The following SYNDIG1 variants were observed in gnomAD, a reference collection of about 807,000 sequenced individuals.
SYNDIG1 encodes synapse differentiation inducing 1.
Under a neutral mutation model 19.4 loss-of-function variants are expected in SYNDIG1, and 9 were observed. That is an observed-to-expected ratio of 0.46 (90% CI 0.28 to 0.81). The LOEUF is 0.81. Ranked by LOEUF, SYNDIG1 falls within the 30% of genes least tolerant of loss-of-function variation. The probability of loss-of-function intolerance (pLI) is 0.12; values close to 1 mark genes in which losing one functional copy is unlikely to be tolerated. For missense variants in SYNDIG1, 311 were observed against 343.3 expected, an observed-to-expected ratio of 0.91 and a Z score of 0.74; for synonymous variants, 141 against 145.9, an observed-to-expected ratio of 0.97 and a Z score of 0.24.
intron 2 of SYNDIG1, among the ~76,000 whole-genome samples, chr20:24,554,028 C>T (rs1301928032): frequency 1.3e-5 from 2 of 152,144 alleles, no homozygotes; most frequent in African/African-American, 2.4e-5. Flanking sequence ...CCTTCACATG[C>T]CTTGTAAGTT....
chr20:24,629,970 C>T (rs1007078679), intron 3 of SYNDIG1, among the ~76,000 whole-genome samples: 6 of 152,174 alleles, frequency 3.9e-5, no homozygotes, highest in Non-Finnish European at 7.4e-5. Flanking sequence ...ACTTTGAGGT[C>T]ATGCACAAGT....
rs537069944 is a variant in SYNDIG1, at chr20:24,571,015, T to C, written c.481-13841T>C. On this transcript the variant is annotated intron_variant, in intron 2 of 3. Coordinates refer to ENST00000376862, the MANE Select transcript of SYNDIG1 (RefSeq NM_024893.3). ...GAGGGTATTGTGCCAGTGGAAATGG[T>C]CAGCCTCAAAAGGTTGATATACTGT... 3.3e-5 allele frequency among the ~76,000 whole-genome samples: 5 copies of C among 152,298 alleles called. No individual in the cohort carries two copies. The South Asian group carries it at 1.0e-3, about 32-fold the overall frequency.
At chr20:24,620,810 A>G (rs906471811) in intron 3 of SYNDIG1, among the ~76,000 whole-genome samples, 3 of 152,268 alleles carry the variant, frequency 2.0e-5, no homozygotes, top group African/African-American at 7.2e-5. Context: ...TAATGACGGA[A>G]CAATTGTTTT....
chr20:24,543,811 G>C (rs1025838909), intron 2 of SYNDIG1, among the ~76,000 whole-genome samples: 6 of 152,204 alleles, frequency 3.9e-5, no homozygotes, highest in African/African-American at 1.4e-4. Context: ...TCTGGTATGA[G>C]ATGACCCCAG....
intron 1 of SYNDIG1, among the ~76,000 whole-genome samples, chr20:24,529,668 G>A (rs906983117): frequency 1.3e-4 from 20 of 152,162 alleles, no homozygotes; most frequent in Admixed American, 9.8e-4. Flanking sequence ...CTGTACAAAC[G>A]CAGGTGTTAG....
chr20:24,484,270 C>T (rs2055893511), intron 1 of SYNDIG1, among the ~76,000 whole-genome samples: 1 of 152,092 alleles, frequency 6.6e-6, no homozygotes, highest in Non-Finnish European at 1.5e-5. Flanking sequence ...TATCTGGAGC[C>T]AGAAGAGTGG....
intron 3 of SYNDIG1, among the ~76,000 whole-genome samples, chr20:24,661,128 G>A (rs1169249809): frequency 2.0e-5 from 3 of 152,224 alleles, no homozygotes; most frequent in African/African-American, 7.2e-5. Flanking sequence ...CAGGCCTTGA[G>A]GCATCTAAAT....
Position 24,607,443 on chromosome 20 carries a change from G to A in SYNDIG1, c.618+22450G>A, listed in dbSNP as rs202084246. ...GATGAGAGTCCCAGTTGGGCACCCT[G>A]GTTCTGGCCAAAGGGCCGTCCTCAA... On this transcript the variant is annotated intron_variant, in intron 3 of 3. Transcript: ENST00000376862. Among the ~76,000 whole-genome samples the A allele has an allele frequency of 3.9e-5, 6 of 152,228 alleles. No homozygotes were observed. In the East Asian group the frequency reaches 9.6e-4, roughly 24 times the overall value.
chr20:24,626,714 C>G (rs1428496147), intron 3 of SYNDIG1, among the ~76,000 whole-genome samples: 1 of 152,266 alleles, frequency 6.6e-6, no homozygotes, highest in African/African-American at 2.4e-5. Flanking sequence ...CTTTGGGGGG[C>G]CAAGGCAGGC....
At chr20:24,593,413 C>T (rs1010898140) in intron 3 of SYNDIG1, among the ~76,000 whole-genome samples, 1 of 152,160 alleles carries the variant, frequency 6.6e-6, no homozygotes, top group African/African-American at 2.4e-5. Flanking sequence ...CCATGGTGTA[C>T]ATGTACCACA....
chr20:24,584,101 C>A (rs1407623460), intron 2 of SYNDIG1, among the ~76,000 whole-genome samples: 4 of 152,126 alleles, frequency 2.6e-5, no homozygotes, highest in Admixed American at 2.6e-4. Context: ...CTGCTCCCAG[C>A]ACACCCCTTC....
chr20:24,632,047 C>T (rs939709035), intron 3 of SYNDIG1, among the ~76,000 whole-genome samples: 10 of 152,174 alleles, frequency 6.6e-5, no homozygotes, highest in African/African-American at 2.4e-4. Flanking sequence ...TCATCCTCTG[C>T]TCCTAACTTC....
chr20:24,585,603 T>A (rs1213261968), intron 3 of SYNDIG1, among the ~76,000 whole-genome samples: 3 of 152,262 alleles, frequency 2.0e-5, no homozygotes, highest in African/African-American at 7.2e-5. Flanking sequence ...ATCCTGTTTG[T>A]TGCCCCTTAT....
chr20:24,492,529 G>A lies in SYNDIG1; in HGVS notation c.-79+22776G>A, dbSNP rs368299872. Among the ~76,000 whole-genome samples, 74 of 152,354 alleles carry A rather than the reference G, an allele frequency of 4.9e-4. No homozygotes were observed. The South Asian group carries it at 0.013, about 27-fold the overall frequency. On this transcript the variant is annotated intron_variant, in intron 1 of 3. Transcript: ENST00000376862. ...AGCACTGCCTTCTCTTTTCTTCAGA[G>A]GCTGGCTTGAGCCAGGTTTGCATAA...
chr20:24,647,458 C>T (rs922405430), intron 3 of SYNDIG1, among the ~76,000 whole-genome samples: 1 of 152,028 alleles, frequency 6.6e-6, no homozygotes, highest in Non-Finnish European at 1.5e-5. Context: ...ATACGAACAT[C>T]CTCTTTGAGC....
At chr20:24,630,103 G>A (rs546493253) in intron 3 of SYNDIG1, among the ~76,000 whole-genome samples, 17 of 152,296 alleles carry the variant, frequency 1.1e-4, no homozygotes, top group African/African-American at 3.6e-4. Flanking sequence ...GCCAGAACTC[G>A]ATAAGAAAAA....
In SYNDIG1 at chr20:24,591,034, C is replaced by CT. The variant is rs2058502525; in HGVS notation, c.618+6042dup. Among the ~76,000 whole-genome samples, 21 of 152,080 alleles carry CT rather than the reference C, an allele frequency of 1.4e-4. No individual in the cohort carries two copies. The South Asian group carries it at 4.4e-3, about 32-fold the overall frequency. ...GACATTCTCTTTCCTGACCTGGGTA[C>CT]TGGCTGTATGCTTGTGGAAACTCAT... On this transcript the variant is annotated intron_variant, in intron 3 of 3. Transcript: ENST00000376862.
At chr20:24,588,715 G>T (rs1042721047) in intron 3 of SYNDIG1, among the ~76,000 whole-genome samples, 3 of 152,186 alleles carry the variant, frequency 2.0e-5, no homozygotes, top group Non-Finnish European at 4.4e-5. Flanking sequence ...TTTGGTTGTG[G>T]TGTGAAAGGA....
intron 2 of SYNDIG1, among the ~76,000 whole-genome samples, chr20:24,545,022 C>T (rs1448416327): frequency 2.0e-5 from 3 of 152,134 alleles, no homozygotes; most frequent in African/African-American, 7.2e-5. Context: ...AGACCCACAA[C>T]CATGGGACCC....
Sources: allele counts gnomAD v4.1 joint callset (sites outside exome capture counted in the v4.1 genomes callset), GRCh38; gene constraint gnomAD v4.1.1; transcripts MANE v1.5; gene names NCBI Gene and HGNC (gene_info 2026-07-23, HGNC 2026-07-21).